The following PIBF1 variants were observed in gnomAD, a reference collection of about 807,000 sequenced individuals.
The protein encoded by PIBF1 is progesterone-induced-blocking factor 1.
Under a neutral mutation model 112.5 loss-of-function variants are expected in PIBF1, and 90 were observed. The ratio of observed to expected loss-of-function variants is 0.80; its 90% CI spans 0.67 to 0.95. PIBF1 has a LOEUF of 0.95. PIBF1 is among the 40% of genes least tolerant of loss of function. PIBF1 has a pLI of 0.00. For synonymous variants in PIBF1, 301 were observed against 288.6 expected (o/e 1.04, Z -0.44); for missense variants, 915 against 852.3 (o/e 1.07, Z -0.92).
intron 5 of PIBF1, among the ~76,000 whole-genome samples, chr13:72,809,854 G>A (rs190932806): frequency 7.2e-5 from 11 of 152,206 alleles, no homozygotes; most frequent in African/African-American, 2.6e-4. Flanking sequence ...CTCTCTAAGT[G>A]CTGGAATTAC....
intron 9 of PIBF1, among the ~76,000 whole-genome samples, chr13:72,836,891 C>T (rs1566337128): frequency 1.3e-5 from 2 of 151,966 alleles, no homozygotes; most frequent in African/African-American, 2.4e-5. Context: ...TAGAAGTATA[C>T]GCCAAAGGAA....
intron 12 of PIBF1, among the ~76,000 whole-genome samples, chr13:72,915,573 A>T (rs2041058434): frequency 6.6e-6 from 1 of 152,190 alleles, no homozygotes; most frequent in Non-Finnish European, 1.5e-5. Flanking sequence ...TGAATTTAGA[A>T]CTATTAAGGA....
chr13:72,978,053 C>T (rs576506339), intron 16 of PIBF1, among the ~76,000 whole-genome samples: 1 of 152,240 alleles, frequency 6.6e-6, no homozygotes, highest in South Asian at 2.1e-4. Flanking sequence ...GAATTGAGAG[C>T]TTATACCTGC....
chr13:72,782,863 G>C (rs1278427531), intron 1 of PIBF1, among the ~76,000 whole-genome samples: 1 of 146,334 alleles, frequency 6.8e-6, no homozygotes, highest in Non-Finnish European at 1.5e-5. Flanking sequence ...TTCCAGTCTT[G>C]ATCGTTAAGG....
chr13:72,928,482 C>T (rs148019596), intron 13 of PIBF1, among the ~76,000 whole-genome samples: 100 of 152,236 alleles, frequency 6.6e-4, no homozygotes, highest in Non-Finnish European at 1.2e-3. Context: ...TCTTGTCCCC[C>T]AGGCTGGAGT....
At chr13:72,908,939 C>T (rs548043122) in intron 12 of PIBF1, among the ~76,000 whole-genome samples, 19 of 151,968 alleles carry the variant, frequency 1.3e-4, no homozygotes, top group South Asian at 6.2e-4. Context: ...CCCAGCTACT[C>T]CAGAGGCTGA....
At chr13:72,864,946 C>G (rs1366271840) in intron 10 of PIBF1, among the ~76,000 whole-genome samples, 2 of 152,080 alleles carry the variant, frequency 1.3e-5, no homozygotes, top group African/African-American at 2.4e-5. Context: ...AACATTACTT[C>G]CAGTTTTAGA....
chr13:72,827,499 T>C (rs2036873105), intron 7 of PIBF1, among the ~76,000 whole-genome samples: 1 of 152,140 alleles, frequency 6.6e-6, no homozygotes, highest in South Asian at 2.1e-4. Flanking sequence ...TCCACCTGCC[T>C]TGGCCTCCCA....
intron 13 of PIBF1, among the ~76,000 whole-genome samples, chr13:72,920,775 G>A (rs567615861): frequency 6.6e-6 from 1 of 151,616 alleles, no homozygotes; most frequent in South Asian, 2.1e-4. Context: ...TCCAGTCTGG[G>A]CAACATAGAG....
In PIBF1 at chr13:72,832,071, CCTTTTTT is replaced by C. The variant is rs1170732802; in HGVS notation, c.1098-3171_1098-3165del. On this transcript the variant is annotated intron_variant, in intron 8 of 17. Transcript: ENST00000326291. ...TCAGAGATTAGAATTGCAATTCCGGCCTTTTTTTTTTTTTTTTTTTTTTTTTTTTTTG... is the reference window on the plus strand; with the variant it reads ...TCAGAGATTAGAATTGCAATTCCGGCTTTTTTTTTTTTTTTTTTTTTTTTG... Among the ~76,000 whole-genome samples the C allele has an allele frequency of 3.4e-4, 20 of 59,490 alleles. 1 individual carries two copies. Among genetic ancestry groups the C allele is most frequent in the African/African-American group, 5.6e-4 (10 of 17,832 alleles). 39.0% of individuals were successfully genotyped at this position (59,490 alleles called of 152,430 possible).
intron 15 of PIBF1, chr13:72,969,868 C>A (rs563478620): frequency 1.3e-5 from 2 of 151,968 alleles, no homozygotes; most frequent in Non-Finnish European, 2.9e-5. Context: ...GTAAATGTTA[C>A]TTCCCTCCCC....
chr13:73,013,739 A>T (rs1383546030), intron 17 of PIBF1, among the ~76,000 whole-genome samples: 3 of 64,060 alleles, frequency 4.7e-5, no homozygotes, highest in African/African-American at 2.1e-4. Flanking sequence ...CTCAAAAAAA[A>T]AAAAAAAAAA....
chr13:72,899,282 G>A (rs2040396550), intron 11 of PIBF1, among the ~76,000 whole-genome samples: 1 of 152,072 alleles, frequency 6.6e-6, no homozygotes, highest in Non-Finnish European at 1.5e-5. Flanking sequence ...TATAAAGCCA[G>A]CATCACCCTA....
chr13:72,964,780 C>T (rs929623923), intron 14 of PIBF1, among the ~76,000 whole-genome samples: 1 of 152,082 alleles, frequency 6.6e-6, no homozygotes, highest in African/African-American at 2.4e-5. Context: ...AAAATTTTTT[C>T]AGCCAGGCGA....
chr13:72,809,991 T>C (rs903322891), intron 5 of PIBF1, among the ~76,000 whole-genome samples: 28 of 152,222 alleles, frequency 1.8e-4, no homozygotes, highest in African/African-American at 6.8e-4. Context: ...GATCTTTAGT[T>C]ATTTGCAAAT....
chr13:73,005,636 T>C (rs1028917255), intron 17 of PIBF1, among the ~76,000 whole-genome samples: 63 of 152,304 alleles, frequency 4.1e-4, no homozygotes, highest in Admixed American at 2.1e-3. Flanking sequence ...TTATTTATAA[T>C]ATAGTAATAT....
At position 72,854,044 on chromosome 13, in the gene PIBF1, G is replaced by C. The variant is rs777875084; in HGVS notation, c.1224-13G>C. ...CGCATTTGAAATAACTGAAATCCATGTTTAAAATTTAGAAATCTCCGAGAA... is the reference window on the plus strand; with the variant it reads ...CGCATTTGAAATAACTGAAATCCATCTTTAAAATTTAGAAATCTCCGAGAA... On this transcript the variant is annotated splice_polypyrimidine_tract_variant and intron_variant, in intron 9 of 17. Transcript: ENST00000326291. The C allele has an allele frequency of 6.4e-6, 10 of 1,557,824 alleles. No individual in the cohort carries two copies. The highest frequency in any genetic ancestry group is 8.9e-6 in the Non-Finnish European group (10 of 1,129,524).
intron 16 of PIBF1, among the ~76,000 whole-genome samples, chr13:72,981,527 T>G (rs2043157934): frequency 6.6e-6 from 1 of 152,142 alleles, no homozygotes; most frequent in Non-Finnish European, 1.5e-5. Flanking sequence ...GAAGTAAGTT[T>G]ATAGGTTTAG....
intron 14 of PIBF1, among the ~76,000 whole-genome samples, chr13:72,946,398 G>A (rs1031866718): frequency 9.2e-5 from 14 of 152,152 alleles, no homozygotes; most frequent in African/African-American, 3.4e-4. Flanking sequence ...AATTCAGGGT[G>A]AGATCTGGAT....
Sources: gnomAD v4.1 joint callset for allele counts (sites outside exome capture counted in the v4.1 genomes callset) on GRCh38, gnomAD v4.1.1 for gene constraint, MANE v1.5 for transcripts, NCBI Gene and HGNC (gene_info 2026-07-23, HGNC 2026-07-21) for gene names.